The following THSD7B variants were observed in gnomAD, a reference collection of about 807,000 sequenced individuals.
The protein encoded by THSD7B is thrombospondin type-1 domain-containing protein 7B.
A neutral mutation model predicts 213.6 loss-of-function variants in THSD7B; 138 were observed. That is an observed-to-expected ratio of 0.65 (90% CI 0.56 to 0.74). The LOEUF (loss-of-function observed/expected upper bound fraction) is 0.74, where lower values mean the gene tolerates loss of function less well. THSD7B is among the 30% of genes least tolerant of loss of function. THSD7B has a pLI of 0.00. For synonymous variants in THSD7B, 742 were observed against 687.0 expected (o/e 1.08, Z -1.25); for missense variants, 1,931 against 1,991.5 (o/e 0.97, Z 0.58).
chr2:136,948,437 C>T (rs1219923183), intron 2 of THSD7B, among the ~76,000 whole-genome samples: 4 of 145,564 alleles, frequency 2.7e-5, no homozygotes, highest in African/African-American at 1.0e-4. Flanking sequence ...TTCTTTTTTT[C>T]ATGCCTCATA....
rs4954499 is a variant in THSD7B, at chr2:137,363,531, T to A, written c.2501-42082T>A. Among the ~76,000 whole-genome samples the A allele has an allele frequency of 3.3e-4, 50 of 150,804 alleles. 1 individual carries two copies. Among genetic ancestry groups the A allele is most frequent in the African/African-American group, 1.2e-3 (48 of 41,112 alleles). ...AGAAAAGAGAGAAGAATCAAATAGA[T>A]GCAATAAAAAATGATAAAGGGGATA... On this transcript the variant is annotated intron_variant, in intron 12 of 27. Transcript: ENST00000409968.
At chr2:137,258,225 G>A (rs1865589) in intron 10 of THSD7B, among the ~76,000 whole-genome samples, 42,302 of 151,884 alleles carry the variant, frequency 0.28, 6,215 homozygotes, top group South Asian at 0.47. Flanking sequence ...TTTATGTTTT[G>A]AAATACTTTT....
intron 17 of THSD7B, among the ~76,000 whole-genome samples, chr2:137,615,801 G>C (rs1316693063): frequency 6.6e-6 from 1 of 150,988 alleles, no homozygotes; most frequent in East Asian, 1.9e-4. Flanking sequence ...TGAGGTCACA[G>C]GGCAGTTTCT....
intron 12 of THSD7B, among the ~76,000 whole-genome samples, chr2:137,359,985 A>G (rs1685216885): frequency 6.6e-6 from 1 of 152,248 alleles, no homozygotes. Context: ...TCATAGGAAT[A>G]AAAGTCAGCC....
At chr2:137,566,666 G>C (rs1681245199) in intron 16 of THSD7B, among the ~76,000 whole-genome samples, 3 of 152,060 alleles carry the variant, frequency 2.0e-5, no homozygotes, top group Admixed American at 2.0e-4. Flanking sequence ...TTTAGTGTAA[G>C]GGACCCATGG....
intron 16 of THSD7B, among the ~76,000 whole-genome samples, chr2:137,563,668 T>G (rs1182178564): frequency 6.6e-6 from 1 of 152,168 alleles, no homozygotes; most frequent in Non-Finnish European, 1.5e-5. Context: ...ATTAGGAGAT[T>G]CTGACTGTGT....
intron 12 of THSD7B, among the ~76,000 whole-genome samples, chr2:137,387,508 G>T (rs7573931): frequency 1.3e-5 from 2 of 151,896 alleles, no homozygotes; most frequent in Admixed American, 1.3e-4. Flanking sequence ...ATATAATTAA[G>T]CATTAAATTG....
chr2:137,408,539 T>A (rs4954504), intron 13 of THSD7B, among the ~76,000 whole-genome samples: 151,350 of 152,320 alleles, frequency 0.99, 75,201 homozygotes, highest in East Asian at 1. Flanking sequence ...CTGCTATAGT[T>A]GCTGTTGTAT....
chr2:137,140,736 G>T, intron 5 of THSD7B, among the ~76,000 whole-genome samples: 1 of 151,882 alleles, frequency 6.6e-6, no homozygotes. Context: ...TTCATTACTT[G>T]GAATATAGCA....
chr2:137,195,057 C>A (rs1176697654), intron 7 of THSD7B, among the ~76,000 whole-genome samples: 1 of 151,938 alleles, frequency 6.6e-6, no homozygotes, highest in Non-Finnish European at 1.5e-5. Context: ...GGGTAAATAT[C>A]TTTTAATCTA....
At chr2:136,995,163 G>C (rs1015328016) in intron 2 of THSD7B, among the ~76,000 whole-genome samples, 1 of 152,206 alleles carries the variant, frequency 6.6e-6, no homozygotes, top group Non-Finnish European at 1.5e-5. Flanking sequence ...GGACTCTATG[G>C]CTAAGAATGA....
At chr2:137,494,606 T>C (rs1679517056) in intron 15 of THSD7B, among the ~76,000 whole-genome samples, 1 of 152,134 alleles carries the variant, frequency 6.6e-6, no homozygotes, top group African/African-American at 2.4e-5. Flanking sequence ...AGGAAGCATT[T>C]ATTAAACTCA....
chr2:137,491,301 G>A (rs1688601622), intron 15 of THSD7B, among the ~76,000 whole-genome samples: 1 of 152,148 alleles, frequency 6.6e-6, no homozygotes, highest in Admixed American at 6.5e-5. Flanking sequence ...GGGATAAAAA[G>A]GAAATACATT....
At chr2:137,646,541 A>G (rs1053601201) in intron 21 of THSD7B, among the ~76,000 whole-genome samples, 3 of 149,978 alleles carry the variant, frequency 2.0e-5, no homozygotes, top group African/African-American at 7.3e-5. Flanking sequence ...AATCTCAGCT[A>G]CTCGTGAGGC....
chr2:137,281,387 T>A (rs1395120800), intron 12 of THSD7B, among the ~76,000 whole-genome samples: 1 of 151,958 alleles, frequency 6.6e-6, no homozygotes, highest in Non-Finnish European at 1.5e-5. Context: ...TGGATGATAA[T>A]GTGACTTTAT....
At chr2:136,850,109 G>A (rs1205886213) in intron 1 of THSD7B, among the ~76,000 whole-genome samples, 1 of 151,762 alleles carries the variant, frequency 6.6e-6, no homozygotes, top group East Asian at 1.9e-4. Context: ...ATGGTATGAA[G>A]CCATAAAGTA....
chr2:137,223,824 C>G (rs1410772432), intron 7 of THSD7B, among the ~76,000 whole-genome samples: 2 of 152,012 alleles, frequency 1.3e-5, no homozygotes, highest in Non-Finnish European at 2.9e-5. Flanking sequence ...AACATGGAGG[C>G]GGATATTCCC....
chr2:136,768,645 T>G (rs1371520839), intron 1 of THSD7B, among the ~76,000 whole-genome samples: 1 of 152,212 alleles, frequency 6.6e-6, no homozygotes, highest in Non-Finnish European at 1.5e-5. Flanking sequence ...ATAGCACTAT[T>G]AAGGCTTCAG....
intron 1 of THSD7B, among the ~76,000 whole-genome samples, chr2:136,829,825 C>T (rs190403127): frequency 2.8e-4 from 42 of 152,282 alleles, no homozygotes; most frequent in African/African-American, 7.7e-4. Flanking sequence ...GAAGCATATA[C>T]ATTCCATCTA....
Sources: gnomAD v4.1 joint callset for allele counts (sites outside exome capture counted in the v4.1 genomes callset) on GRCh38, gnomAD v4.1.1 for gene constraint, MANE v1.5 for transcripts, NCBI Gene and HGNC (gene_info 2026-07-23, HGNC 2026-07-21) for gene names.